The following NCOR2 variants were observed in gnomAD, a reference collection of about 807,000 sequenced individuals.
NCOR2 encodes the protein nuclear receptor corepressor 2.
Under a neutral mutation model 262.9 loss-of-function variants are expected in NCOR2, and 81 were observed. The ratio of observed to expected loss-of-function variants is 0.31; its 90% CI spans 0.26 to 0.37. The LOEUF (loss-of-function observed/expected upper bound fraction) is 0.37, where lower values mean the gene tolerates loss of function less well. NCOR2 is among the 10% of genes least tolerant of loss of function. The pLI is 1.00. For synonymous variants in NCOR2, 1,659 were observed against 1,559.3 expected, an observed-to-expected ratio of 1.06 and a Z score of -1.51; for missense variants, 3,385 against 3,621.4, an observed-to-expected ratio of 0.93 and a Z score of 1.68.
chr12:124,547,938 C>CATAT (rs1302478554), intron 1 of NCOR2, among the ~76,000 whole-genome samples: 1 of 152,084 alleles, frequency 6.6e-6, no homozygotes, highest in Non-Finnish European at 1.5e-5. Context: ...AATACATATT[C>CATAT]ATATATATAA....
chr12:124,451,058 G>A (rs1040620736), intron 6 of NCOR2, among the ~76,000 whole-genome samples: 6 of 152,266 alleles, frequency 3.9e-5, no homozygotes, highest in Non-Finnish European at 8.8e-5. Context: ...CCTTGCTGTG[G>A]CCAGTGGAAT....
In NCOR2 at chr12:124,429,374, G is replaced by GC. The variant is rs1870033820; in HGVS notation, c.1149+238dup. On this transcript the variant is annotated intron_variant, in intron 10 of 46. Coordinates refer to ENST00000405201, the Ensembl canonical transcript of NCOR2. ...GGCATCTGGATGGGGGAGCGCCAGG[G>GC]CCCTCCCTGCAGGGGGTCCTGCTAC... is the stretch of plus-strand genomic sequence containing the variant. 3 of 546,346 alleles carry GC rather than the reference G, an allele frequency of 5.5e-6. No homozygotes were observed. The East Asian group carries it at 9.3e-5, about 17-fold the overall frequency. The allele number at this position is 546,346 out of a possible 1,614,324, so 33.8% of individuals were successfully genotyped here. A position where few individuals can be genotyped will look rare whatever the true frequency, so the allele number is the denominator to read the frequency against.
chr12:124,439,678 T>A (rs2044704663), intron 7 of NCOR2, among the ~76,000 whole-genome samples: 1 of 147,794 alleles, frequency 6.8e-6, no homozygotes, highest in Non-Finnish European at 1.5e-5. Flanking sequence ...GACCTGGAGA[T>A]GGACAGGAGA....
chr12:124,477,554 C>A (rs915557036), intron 3 of NCOR2, among the ~76,000 whole-genome samples: 2 of 152,228 alleles, frequency 1.3e-5, no homozygotes, highest in African/African-American at 4.8e-5. Flanking sequence ...AGACAGGTGA[C>A]AGCTGCACAA....
At chr12:124,328,352 G>A (rs2034874826) in intron 44 of NCOR2, among the ~76,000 whole-genome samples, 1 of 152,172 alleles carries the variant, frequency 6.6e-6, no homozygotes, top group South Asian at 2.1e-4. Context: ...GTGCGTGCAG[G>A]GGACAGGGCA....
intron 16 of NCOR2, among the ~76,000 whole-genome samples, chr12:124,396,560 C>T (rs887259832): frequency 1.3e-5 from 2 of 152,206 alleles, no homozygotes; most frequent in Non-Finnish European, 2.9e-5. Flanking sequence ...AGTGCCCAGG[C>T]CCCGCTGGCA....
intron 1 of NCOR2, among the ~76,000 whole-genome samples, chr12:124,501,062 GCACACACACA>G (rs3040848): frequency 0.41 from 59,893 of 147,862 alleles, 12,550 homozygotes; most frequent in South Asian, 0.53. Flanking sequence ...GCGCACGCGC[GCACACACACA>G]CACACACACA....
chr12:124,371,168 C>G (rs887208976), intron 20 of NCOR2, among the ~76,000 whole-genome samples: 2 of 152,058 alleles, frequency 1.3e-5, no homozygotes, highest in Non-Finnish European at 2.9e-5. Flanking sequence ...ATGCAGCCCC[C>G]ACCTGCCAGG....
At position 124,398,360 on chromosome 12, in the gene NCOR2, G is replaced by A. The variant is rs530116305; in HGVS notation, c.1814-179C>T. ...CGCCCCTCCCCAGCCAGTACCCACC[G>A]TGGCACCTGACTCCCTGAGCCTTTA... On this transcript the variant is annotated intron_variant, in intron 15 of 46. Coordinates refer to ENST00000405201, the Ensembl canonical transcript of NCOR2. Among the ~76,000 whole-genome samples, 6 of 152,346 alleles carry A rather than the reference G, an allele frequency of 3.9e-5. 1 individual carries two copies. The highest frequency in any genetic ancestry group is 4.1e-4 in the South Asian group (2 of 4,830).
intron 22 of NCOR2, among the ~76,000 whole-genome samples, chr12:124,360,126 C>A (rs1392182305): frequency 6.6e-6 from 1 of 152,214 alleles, no homozygotes; most frequent in Admixed American, 6.5e-5. Flanking sequence ...GCAGTTCCAG[C>A]CCTGATCAGA....
intron 7 of NCOR2, among the ~76,000 whole-genome samples, chr12:124,447,527 T>G (rs746584829): frequency 6.6e-6 from 1 of 152,184 alleles, no homozygotes; most frequent in Non-Finnish European, 1.5e-5. Context: ...TCACTCACTT[T>G]AAGTGAAAAA....
rs537570165 is a variant in NCOR2, at chr12:124,479,069, G to A, written c.411+4527C>T. ...GACCCTCCAGAACCCACAGGCCAGA[G>A]CGCACGGACGTGCTGGAGAGGCGGG... On this transcript the variant is annotated intron_variant, in intron 3 of 46. Coordinates refer to ENST00000405201, the Ensembl canonical transcript of NCOR2. 2.0e-5 allele frequency among the ~76,000 whole-genome samples: 3 copies of A among 150,896 alleles called. No individual in the cohort carries two copies. In the Admixed American group the frequency reaches 2.0e-4, roughly 10 times the overall value.
At chr12:124,461,689 C>A (rs1443068034) in intron 5 of NCOR2, among the ~76,000 whole-genome samples, 1 of 152,248 alleles carries the variant, frequency 6.6e-6, no homozygotes, top group Non-Finnish European at 1.5e-5. Context: ...CCACACCCGC[C>A]ATCTCACGCA....
At chr12:124,450,449 A>T (rs1027450364) in intron 6 of NCOR2, among the ~76,000 whole-genome samples, 1 of 151,984 alleles carries the variant, frequency 6.6e-6, no homozygotes, top group Admixed American at 6.6e-5. Flanking sequence ...CCCGCTTCCG[A>T]CCCCCATGCT....
At chr12:124,519,272 A>G (rs1390962738) in intron 1 of NCOR2, among the ~76,000 whole-genome samples, 1 of 152,120 alleles carries the variant, frequency 6.6e-6, no homozygotes, top group Non-Finnish European at 1.5e-5. Context: ...CTGCTTCTCC[A>G]AGTGCTCTGG....
chr12:124,521,928 G>T (rs2050212465), intron 1 of NCOR2, among the ~76,000 whole-genome samples: 2 of 152,174 alleles, frequency 1.3e-5, no homozygotes, highest in Non-Finnish European at 2.9e-5. Context: ...TGAGGTAAGA[G>T]AATTGCTTGA....
chr12:124,433,856 A>ACC, intron 8 of NCOR2, among the ~76,000 whole-genome samples: 1 of 56,038 alleles, frequency 1.8e-5, no homozygotes, highest in African/African-American at 1.0e-4. Context: ...ACACACACAC[A>ACC]CACACACACA....
rs1182447631 is a variant in NCOR2, at chr12:124,388,643, C to A, written c.1877-2756G>T. On this transcript the variant is annotated intron_variant, in intron 16 of 46. Transcript: ENST00000405201. ...GGCCACGTTGCGGTCCCTGTCCCTG[C>A]ACCCGCAGTCCCCCATCCCCTCCCC... The A allele has an allele frequency of 5.4e-6, 7 of 1,302,690 alleles. 1 individual carries two copies. The South Asian group carries it at 8.6e-5, about 16-fold the overall frequency. The allele number at this position is 1,302,690 out of a possible 1,614,324, so 80.7% of individuals were successfully genotyped here. A position where few individuals can be genotyped will look rare whatever the true frequency, so the allele number is the denominator to read the frequency against.
intron 7 of NCOR2, among the ~76,000 whole-genome samples, chr12:124,449,100 G>A (rs138447506): frequency 3.9e-5 from 6 of 152,200 alleles, no homozygotes; most frequent in African/African-American, 7.2e-5. Flanking sequence ...CTATGCTCCC[G>A]TTAATGCATC....
Sources: allele counts gnomAD v4.1 joint callset (sites outside exome capture counted in the v4.1 genomes callset), GRCh38; gene constraint gnomAD v4.1.1; transcripts MANE v1.5; gene names NCBI Gene and HGNC (gene_info 2026-07-23, HGNC 2026-07-21).